MIB1: variants seen among roughly 807,000 people sequenced by gnomAD.
MIB1 encodes the protein E3 ubiquitin-protein ligase MIB1.
A neutral mutation model predicts 124.5 loss-of-function variants in MIB1; 278 were observed. The ratio of observed to expected loss-of-function variants is 2.23; its 90% confidence interval spans 2.02 to 2.47. The LOEUF is 2.47. Among genes scored for constraint, MIB1 ranks in the 30% most tolerant of loss-of-function variants. The probability of loss-of-function intolerance (pLI) is 0.00; values close to 1 mark genes in which losing one functional copy is unlikely to be tolerated. For missense variants in MIB1, 957 were observed against 1,254.4 expected (o/e 0.76, Z 3.58); for synonymous variants, 446 against 429.4 (o/e 1.04, Z -0.48).
chr18:21,828,854 A>G (rs1459818374), intron 12 of MIB1: 2 of 261,086 alleles, frequency 7.7e-6, no homozygotes, highest in South Asian at 7.9e-5. Flanking sequence ...GTTTCTATCT[A>G]TCAGTAGTAG....
At chr18:21,851,817 G>A (rs1455190535) in intron 17 of MIB1, among the ~76,000 whole-genome samples, 1 of 152,138 alleles carries the variant, frequency 6.6e-6, no homozygotes, top group East Asian at 1.9e-4. Context: ...TCCACTCCTG[G>A]AAGTATAACC....
At chr18:21,815,484 A>C in intron 10 of MIB1, 132 bp from the exon 11 acceptor site, 2 of 759,726 alleles carry the variant, frequency 2.6e-6, no homozygotes, top group East Asian at 5.4e-5. Flanking sequence ...CACCTGGTCA[A>C]GTTCTAGTTA....
rs116046938 is a variant in MIB1, at chr18:21,791,337, A to G, written c.909-37A>G. On this transcript the variant is annotated intron_variant, in intron 6 of 20. Coordinates refer to ENST00000261537, the MANE Select transcript of MIB1 (RefSeq NM_020774.4). ...AAGAATTTTGTATTAAAATTAAGCA[A>G]AGCTACCCATTTTGAGGTTTAGCTT... 1.7e-3 allele frequency: 2,587 copies of G among 1,538,312 alleles called. 33 individuals are homozygous for G. The African/African-American group carries it at 0.03, about 18-fold the overall frequency.
intron 1 of MIB1, among the ~76,000 whole-genome samples, chr18:21,708,392 G>A (rs1045425648): frequency 2.6e-5 from 4 of 152,152 alleles, no homozygotes; most frequent in African/African-American, 7.2e-5. Flanking sequence ...AGTGGCTCAC[G>A]CCTGTAATCC....
intron 1 of MIB1, among the ~76,000 whole-genome samples, chr18:21,709,005 T>A (rs1037195078): frequency 6.6e-6 from 1 of 152,114 alleles, no homozygotes; most frequent in Admixed American, 6.6e-5. Flanking sequence ...GCTTAGAAGT[T>A]GGGAACAATG....
chr18:21,738,696 A>T (rs186414314), upstream of MIB1, among the ~76,000 whole-genome samples: 1 of 151,430 alleles, frequency 6.6e-6, no homozygotes, highest in Non-Finnish European at 1.5e-5. Flanking sequence ...GGTCCCAGGT[A>T]CTCGGGAGGC....
chr18:21,778,159 C>T lies in MIB1; in HGVS notation c.693C>T (p.Cys231=), dbSNP rs757794007. 1.2e-6 allele frequency: 2 copies of T among 1,603,558 alleles called. No homozygotes were observed. The highest frequency in any genetic ancestry group is 1.7e-6 in the Non-Finnish European group (2 of 1,170,926). The stretch of plus-strand genomic sequence containing the variant: ...GAGGTTCTTTCTACAGAGATCACTG[C>T]CCTGTGCTAGGTGAGTGAGAAGATT... ...AKGGSFYRDH[C]PVLGEQNGNR... Residue 231 remains cysteine (C), a synonymous_variant, in exon 5 of 21, where the codon TGC becomes TGT. Coordinates refer to ENST00000261537, the MANE Select transcript of MIB1 (RefSeq NM_020774.4).
intron 12 of MIB1, among the ~76,000 whole-genome samples, chr18:21,820,023 A>G (rs772008036): frequency 4.6e-5 from 7 of 152,230 alleles, no homozygotes; most frequent in Non-Finnish European, 7.4e-5. Flanking sequence ...AAGACTAAAT[A>G]AATACTAAGT....
chr18:21,731,158 G>A (rs1409089250), intron 1 of MIB1, among the ~76,000 whole-genome samples: 2 of 152,118 alleles, frequency 1.3e-5, no homozygotes, highest in South Asian at 2.1e-4. Flanking sequence ...TGAATTGTAC[G>A]TACCTGAGTA....
At chr18:21,730,574 A>AG (rs1158761677) in intron 1 of MIB1, among the ~76,000 whole-genome samples, 2 of 151,976 alleles carry the variant, frequency 1.3e-5, no homozygotes, top group African/African-American at 2.4e-5. Context: ...TCTAAAAAAA[A>AG]CCAACCATAC....
chr18:21,804,314 T>C (rs2041680832), intron 10 of MIB1, among the ~76,000 whole-genome samples: 2 of 152,204 alleles, frequency 1.3e-5, no homozygotes, highest in Non-Finnish European at 2.9e-5. Flanking sequence ...ACTAGGGAAA[T>C]TGAAGGACGA....
chr18:21,814,145 T>C (rs1415662853), intron 10 of MIB1, among the ~76,000 whole-genome samples: 1 of 152,208 alleles, frequency 6.6e-6, no homozygotes, highest in Non-Finnish European at 1.5e-5. Flanking sequence ...TTCAGAAATA[T>C]GCCTGTTACA....
intron 10 of MIB1, among the ~76,000 whole-genome samples, chr18:21,814,796 A>G (rs946608165): frequency 6.8e-6 from 1 of 147,890 alleles, no homozygotes; most frequent in Non-Finnish European, 1.5e-5. Context: ...CTGGTCTTGA[A>G]CTCCTAACTT....
At chr18:21,707,402 G>A (rs2040643710) in intron 1 of MIB1, among the ~76,000 whole-genome samples, 1 of 152,194 alleles carries the variant, frequency 6.6e-6, no homozygotes, top group African/African-American at 2.4e-5. Context: ...GGCCGATAAG[G>A]GAATAAAAGC....
rs1157907433 is a variant in MIB1, at chr18:21,838,445, A to G, written c.1910A>G (p.His637Arg). The G allele has an allele frequency of 1.2e-6, 2 of 1,612,246 alleles. No homozygotes were observed. The highest frequency in any genetic ancestry group is 1.7e-6 in the Non-Finnish European group (2 of 1,178,956). ...AAAGATGATGGTTATACTGCCTTAC[A>G]TCTGGCTGCCCTTAATAATCACGTA... ...EKKDDGYTAL[H>R]LAALNNHVEV... The change falls in exon 13 of 21, where the codon CAT becomes CGT. Residue 637 changes from histidine (H) to arginine (R), a missense_variant. Transcript: ENST00000261537.
At chr18:21,818,242 C>A (rs1166590108) in intron 11 of MIB1, among the ~76,000 whole-genome samples, 1 of 152,142 alleles carries the variant, frequency 6.6e-6, no homozygotes, top group African/African-American at 2.4e-5. Flanking sequence ...TGGTGAACAG[C>A]CTGGACATCA....
intron 1 of MIB1, among the ~76,000 whole-genome samples, chr18:21,756,870 T>A (rs2041038283): frequency 6.6e-6 from 1 of 152,242 alleles, no homozygotes; most frequent in Non-Finnish European, 1.5e-5. Context: ...TTGCCAGTTT[T>A]ATGTCTAGTT....
intron 13 of MIB1, among the ~76,000 whole-genome samples, chr18:21,840,740 A>G (rs990467883): frequency 7.4e-5 from 11 of 148,882 alleles, no homozygotes; most frequent in African/African-American, 2.5e-4. Context: ...CTGAGATGGG[A>G]GGATCACTTG....
In MIB1 at chr18:21,741,057, G is replaced by A. The variant is rs569911366; in HGVS notation, c.-527G>A. On this transcript the variant is annotated 5_prime_UTR_variant, in exon 1 of 21. Coordinates refer to ENST00000261537, the MANE Select transcript of MIB1 (RefSeq NM_020774.4). This position sits in a 1 kb window ranked among gnomAD's most constrained non-coding sequence, Gnocchi z 5.4. ...CTGAGGGCCCGGGCGCTCGCCGGACGCCGGGAGGTACCACCGCTGCCCACG... is the reference window on the plus strand; with the variant it reads ...CTGAGGGCCCGGGCGCTCGCCGGACACCGGGAGGTACCACCGCTGCCCACG... Among the ~76,000 whole-genome samples the A allele has an allele frequency of 1.3e-5, 2 of 152,010 alleles. No homozygotes were observed. The highest frequency in any genetic ancestry group is 4.1e-4 in the South Asian group (2 of 4,824).
Sources: allele counts gnomAD v4.1 joint callset (sites outside exome capture counted in the v4.1 genomes callset), GRCh38; gene constraint gnomAD v4.1.1; non-coding constraint Gnocchi (gnomAD v3.1); transcripts MANE v1.5; gene names NCBI Gene and HGNC (gene_info 2026-07-23, HGNC 2026-07-21).